FMNL3: variants seen among roughly 807,000 people sequenced by gnomAD.
The protein encoded by FMNL3 is formin like 3, also known as formin-like protein 3.
Under a neutral mutation model 119.6 loss-of-function variants are expected in FMNL3, and 57 were observed. The ratio of observed to expected loss-of-function variants is 0.48; its 90% CI spans 0.39 to 0.59. The LOEUF (loss-of-function observed/expected upper bound fraction) is 0.59. Ranked by LOEUF, FMNL3 falls within the 20% of genes least tolerant of loss-of-function variation. The probability of loss-of-function intolerance (pLI) is 0.00; values close to 1 mark genes in which losing one functional copy is unlikely to be tolerated. For missense variants in FMNL3, 1,053 were observed against 1,323.5 expected (o/e 0.80, Z 3.17); for synonymous variants, 491 against 507.3 (o/e 0.97, Z 0.43).
In FMNL3 at chr12:49,636,828, C is replaced by T; in HGVS notation, c.*8987G>A. The T allele has an allele frequency of 6.2e-7, 1 of 1,614,094 alleles. No individual in the cohort carries two copies. Among genetic ancestry groups the T allele is most frequent in the Admixed American group, 1.7e-5 (1 of 60,028 alleles). ...GGCTTCGGGAGCGACGCCAACAACG[C>T]AAGAATCGGGAGGCCTTCCAGGTAT... On this transcript the variant is annotated 3_prime_UTR_variant, in exon 26 of 26. Transcript: ENST00000335154.
intron 1 of FMNL3, among the ~76,000 whole-genome samples, chr12:49,702,134 T>A (rs1944926332): frequency 6.6e-6 from 1 of 151,562 alleles, no homozygotes; most frequent in African/African-American, 2.4e-5. Context: ...CAAGACCCCA[T>A]CTCTACAAAA....
At chr12:49,662,102 T>C in intron 4 of FMNL3, 53 bp from the exon 5 acceptor site, 1 of 1,550,268 alleles carries the variant, frequency 6.5e-7, no homozygotes. Flanking sequence ...GGGTCAAGGA[T>C]GAGGGGGGTG....
chr12:49,644,191 G>T lies in FMNL3; in HGVS notation c.*1624C>A. On this transcript the variant is annotated 3_prime_UTR_variant, in exon 26 of 26. Coordinates refer to ENST00000335154, the MANE Select transcript of FMNL3 (RefSeq NM_175736.5). ...CTACAGCAGCTGGATGATCACCAGT[G>T]ACCCAATGAGCTGTTCTCTGCCTCG... is the stretch of plus-strand genomic sequence containing the variant. 6.2e-7 allele frequency: 1 copy of T among 1,614,046 alleles called. No homozygotes were observed. The highest frequency in any genetic ancestry group is 1.1e-5 in the South Asian group (1 of 91,070).
intron 1 of FMNL3, among the ~76,000 whole-genome samples, chr12:49,687,297 T>G (rs1799255807): frequency 7.9e-6 from 1 of 127,366 alleles, no homozygotes; most frequent in African/African-American, 3.3e-5. Context: ...TTTCACCATG[T>G]TGGCCAGGAT....
At chr12:49,657,301 A>G (rs995191716) in intron 6 of FMNL3, 111 bp from the exon 7 acceptor site, 4 of 768,154 alleles carry the variant, frequency 5.2e-6, no homozygotes, top group Non-Finnish European at 8.9e-6. Flanking sequence ...GGCAAAAAAT[A>G]GGGAATAGCA....
chr12:49,671,644 T>C (rs945767540), intron 1 of FMNL3, among the ~76,000 whole-genome samples: 3 of 152,200 alleles, frequency 2.0e-5, no homozygotes, highest in African/African-American at 7.2e-5. Flanking sequence ...GGCTCCAATG[T>C]CCTAAGGAAG....
chr12:49,637,997 C>T lies in FMNL3; in HGVS notation c.*7818G>A. The stretch of plus-strand genomic sequence containing the variant: ...ACAGTAATGAATACACAATTTCTAC[C>T]ACAGGAGCTCATGGTCTAATAGGAA... On this transcript the variant is annotated 3_prime_UTR_variant, in exon 26 of 26. Transcript: ENST00000335154. 1.7e-6 allele frequency: 1 copy of T among 596,838 alleles called. No individual in the cohort carries two copies. Among genetic ancestry groups the T allele is most frequent in the Non-Finnish European group, 3.0e-6 (1 of 334,914 alleles). 37.0% of individuals were successfully genotyped at this position (596,838 alleles called of 1,614,324 possible).
intron 1 of FMNL3, among the ~76,000 whole-genome samples, chr12:49,704,710 C>CAAAAAAAAAAAAA (rs59799899): frequency 5.8e-4 from 22 of 37,846 alleles, no homozygotes; most frequent in South Asian, 1.4e-3. Flanking sequence ...AACTCCATCT[C>CAAAAAAAAAAAAA]AAAAAAAAAA....
At chr12:49,658,816 G>A (rs1943652768) in intron 5 of FMNL3, among the ~76,000 whole-genome samples, 1 of 152,144 alleles carries the variant, frequency 6.6e-6, no homozygotes, top group Admixed American at 6.5e-5. Context: ...CAGCAACAAG[G>A]AGGGCAGTCT....
chr12:49,668,864 T>C (rs1250643083), intron 1 of FMNL3, among the ~76,000 whole-genome samples: 2 of 152,256 alleles, frequency 1.3e-5, no homozygotes, highest in Non-Finnish European at 1.5e-5. Context: ...TAATGTTTTG[T>C]GAAGCTTTAG....
chr12:49,682,036 C>T (rs1435974106), intron 1 of FMNL3, among the ~76,000 whole-genome samples: 1 of 151,002 alleles, frequency 6.6e-6, no homozygotes, highest in Non-Finnish European at 1.5e-5. Flanking sequence ...AAGTTAGCTT[C>T]TAAGTACATA....
chr12:49,641,939 C>T lies in FMNL3; in HGVS notation c.*3876G>A. 1 of 1,613,768 alleles carries T rather than the reference C, an allele frequency of 6.2e-7. No homozygotes were observed. Among genetic ancestry groups the T allele is most frequent in the Middle Eastern group, 1.7e-4 (1 of 5,856 alleles). On this transcript the variant is annotated 3_prime_UTR_variant, in exon 26 of 26. Coordinates refer to ENST00000335154, the MANE Select transcript of FMNL3 (RefSeq NM_175736.5). ...GGCTTCTGCGTGGAGGTGAACACGG[C>T]CTTTGAGGACTTCGCCCACGTCATA...
At position 49,639,133 on chromosome 12, in the gene FMNL3, T is replaced by C. The variant is rs1942255822; in HGVS notation, c.*6682A>G. ...AAAATAAGAAATTTGGATTTTTCTC[T>C]CGTAAGTAATGAGGAACCGGGGAAT... is the stretch of plus-strand genomic sequence containing the variant. On this transcript the variant is annotated 3_prime_UTR_variant, in exon 26 of 26. Transcript: ENST00000335154. 2 of 152,176 alleles carry C rather than the reference T, an allele frequency of 1.3e-5. No homozygotes were observed. The highest frequency in any genetic ancestry group is 4.8e-5 in the African/African-American group (2 of 41,436). 9.4% of individuals were successfully genotyped at this position (152,176 alleles called of 1,614,324 possible).
intron 1 of FMNL3, among the ~76,000 whole-genome samples, chr12:49,693,827 T>C (rs1351897439): frequency 1.3e-5 from 2 of 151,500 alleles, no homozygotes; most frequent in African/African-American, 4.9e-5. Flanking sequence ...TTTGTATTTT[T>C]AGTAGAGGCG....
At chr12:49,645,954 C>T (rs747976462) in intron 25 of FMNL3, 51 bp from the exon 26 acceptor site, 1 of 1,541,270 alleles carries the variant, frequency 6.5e-7, no homozygotes, top group Non-Finnish European at 8.9e-7. Flanking sequence ...TGAGCCAGGA[C>T]AGTGCCCTCA....
chr12:49,672,901 A>G (rs1368778706), intron 1 of FMNL3, among the ~76,000 whole-genome samples: 1 of 152,226 alleles, frequency 6.6e-6, no homozygotes, highest in Non-Finnish European at 1.5e-5. Flanking sequence ...GGTCCCTATC[A>G]TGATAAATCT....
rs1339539287 is a variant in FMNL3 at position 49,653,758 on chromosome 12, C to T, written c.1188G>A (p.Glu396=). The T allele has an allele frequency of 5.0e-6, 8 of 1,614,112 alleles. No homozygotes were observed. Among genetic ancestry groups the T allele is most frequent in the East Asian group, 4.5e-5 (2 of 44,904 alleles). The change falls in exon 12 of 26, where the codon GAG becomes GAA. Residue 396 remains glutamate, a synonymous_variant. Coordinates refer to ENST00000335154, the MANE Select transcript of FMNL3 (RefSeq NM_175736.5). ...EDAETKNVAL[E]KVEELEEHVS... ...CATGCTCCTCCAACTCCTCCACCTTCTCCAGGGCTACATTCTTGGTCTCAG... is the reference window on the plus strand; with the variant it reads ...CATGCTCCTCCAACTCCTCCACCTTTTCCAGGGCTACATTCTTGGTCTCAG...
chr12:49,668,387 C>T lies in FMNL3; in HGVS notation c.210+84G>A, dbSNP rs1444341660. The stretch of plus-strand genomic sequence containing the variant: ...CCAGGGTTCCTCAAGGAACCCAAGG[C>T]TGCACTCAATGCCTTTGGCCCCACA... On this transcript the variant is annotated intron_variant, in intron 2 of 25. Coordinates refer to ENST00000335154, the MANE Select transcript of FMNL3 (RefSeq NM_175736.5). 5 of 1,308,034 alleles carry T rather than the reference C, an allele frequency of 3.8e-6. No individual in the cohort carries two copies. The Admixed American group carries it at 5.2e-5, about 14-fold the overall frequency. 81.0% of individuals were successfully genotyped at this position (1,308,034 alleles called of 1,614,324 possible).
intron 1 of FMNL3, among the ~76,000 whole-genome samples, chr12:49,702,456 T>G (rs1003512370): frequency 1.3e-5 from 2 of 152,258 alleles, no homozygotes; most frequent in African/African-American, 4.8e-5. Context: ...AAAATATGGA[T>G]GTTTTTCTTT....
Sources: allele counts gnomAD v4.1 joint callset (sites outside exome capture counted in the v4.1 genomes callset), GRCh38; gene constraint gnomAD v4.1.1; transcripts MANE v1.5; gene names NCBI Gene and HGNC (gene_info 2026-07-23, HGNC 2026-07-21).